The following UNC79 variants were observed in gnomAD, a reference collection of about 807,000 sequenced individuals.
The protein encoded by UNC79 is protein unc-79 homolog.
A neutral mutation model predicts 283.1 loss-of-function variants in UNC79; 37 were observed. The ratio of observed to expected loss-of-function variants is 0.13; its 90% CI spans 0.10 to 0.17. The LOEUF (loss-of-function observed/expected upper bound fraction) is 0.17, where lower values mean the gene tolerates loss of function less well. Among genes scored for constraint, UNC79 ranks in the 10% least tolerant of loss-of-function variants. The pLI, the probability that UNC79 is intolerant of heterozygous loss-of-function variation, is 1.00. For synonymous variants in UNC79, 1,107 were observed against 1,200.2 expected (o/e 0.92, Z 1.61); for missense variants, 2,272 against 3,211.1 (o/e 0.71, Z 7.07).
chr14:93,641,093 G>C (rs2068989371), intron 32 of UNC79, 52 bp from the exon 36 acceptor site: 15 of 1,504,470 alleles, frequency 1.0e-5, no homozygotes, highest in Non-Finnish European at 9.1e-7. Flanking sequence ...GCCTTTCTTG[G>C]CCCCTTGAAG....
At chr14:93,395,868 C>T (rs1377429443) in intron 1 of UNC79, among the ~76,000 whole-genome samples, 1 of 151,922 alleles carries the variant, frequency 6.6e-6, no homozygotes, top group East Asian at 1.9e-4. Context: ...AATATCTAGG[C>T]ATGGATATCT....
At chr14:93,529,556 A>C (rs1042234680) in intron 10 of UNC79, among the ~76,000 whole-genome samples, 4 of 152,156 alleles carry the variant, frequency 2.6e-5, no homozygotes, top group Non-Finnish European at 5.9e-5. Flanking sequence ...TAGATATTGG[A>C]ATTAGGATTC....
intron 31 of UNC79, 88 bp from the exon 35 acceptor site, chr14:93,637,128 C>A: frequency 8.9e-6 from 7 of 784,538 alleles, no homozygotes; most frequent in South Asian, 8.4e-5. Flanking sequence ...AAAAAATTGG[C>A]CCCCAGAGAT....
chr14:93,586,611 C>A (rs1207918755), exon 21 of UNC79: 2 of 1,613,378 alleles, frequency 1.2e-6, no homozygotes, highest in Non-Finnish European at 1.7e-6. Context: ...AAGAATGATA[C>A]CGAAAGAAAA....
intron 1 of UNC79, among the ~76,000 whole-genome samples, chr14:93,344,648 T>G (rs906856448): frequency 6.6e-6 from 1 of 152,224 alleles, no homozygotes; most frequent in African/African-American, 2.4e-5. Context: ...TTGAGTCAAG[T>G]AGTGTAACAA....
chr14:93,659,369 T>G (rs1226108064), intron 39 of UNC79, 108 bp downstream of exon 42: 2 of 850,436 alleles, frequency 2.4e-6, no homozygotes, highest in East Asian at 5.4e-5. Flanking sequence ...TACTGAATGC[T>G]TCCCTTTCAG....
At chr14:93,558,676 C>T (rs116991486) in intron 14 of UNC79, among the ~76,000 whole-genome samples, 1,846 of 127,062 alleles carry the variant, frequency 0.015, 24 homozygotes, top group Middle Eastern at 0.043. Flanking sequence ...AGCGAGAGGC[C>T]GGGGCCCTGG....
At chr14:93,357,123 T>C (rs1310823127) in intron 1 of UNC79, among the ~76,000 whole-genome samples, 1 of 152,230 alleles carries the variant, frequency 6.6e-6, no homozygotes, top group African/African-American at 2.4e-5. Context: ...TTTCTGCTTC[T>C]GCATTAATTC....
At chr14:93,624,003 G>C (rs2067344137) in intron 30 of UNC79, among the ~76,000 whole-genome samples, 1 of 152,198 alleles carries the variant, frequency 6.6e-6, no homozygotes, top group South Asian at 2.1e-4. Flanking sequence ...ACTGGTGAAG[G>C]TCTTAAAGAC....
chr14:93,675,779 C>T (rs918812640), intron 41 of UNC79, among the ~76,000 whole-genome samples: 2 of 152,174 alleles, frequency 1.3e-5, no homozygotes, highest in African/African-American at 4.8e-5. Flanking sequence ...TTCTAGGACA[C>T]ATTGAACTCT....
intron 14 of UNC79, among the ~76,000 whole-genome samples, chr14:93,562,378 G>C (rs2062614069): frequency 6.6e-6 from 1 of 152,210 alleles, no homozygotes; most frequent in Admixed American, 6.5e-5. Flanking sequence ...CTGGAAGATA[G>C]TTGCCTAGAG....
At chr14:93,349,797 T>A (rs1340555277) in intron 1 of UNC79, among the ~76,000 whole-genome samples, 5 of 152,244 alleles carry the variant, frequency 3.3e-5, no homozygotes, top group African/African-American at 9.6e-5. Context: ...TGGCAAAATG[T>A]CCTTGTGGTT....
intron 14 of UNC79, among the ~76,000 whole-genome samples, chr14:93,563,073 A>G (rs1307971828): frequency 6.6e-6 from 1 of 152,208 alleles, no homozygotes; most frequent in Non-Finnish European, 1.5e-5. Flanking sequence ...AGGTTATGAA[A>G]TGATGACAGA....
At chr14:93,403,952 T>C (rs1462280061) in intron 1 of UNC79, among the ~76,000 whole-genome samples, 1 of 151,446 alleles carries the variant, frequency 6.6e-6, no homozygotes, top group East Asian at 1.9e-4. Context: ...GCAAAAAACA[T>C]TTGCAGATAC....
intron 31 of UNC79, among the ~76,000 whole-genome samples, chr14:93,635,457 C>CT (rs1320228322): frequency 1.3e-5 from 2 of 152,154 alleles, no homozygotes; most frequent in African/African-American, 4.8e-5. Flanking sequence ...GAATCGGACT[C>CT]TTTTAGTATC....
chr14:93,508,386 A>G lies in UNC79; in HGVS notation c.898+11100A>G, dbSNP rs533153076. Among the ~76,000 whole-genome samples, 12 of 152,230 alleles carry G rather than the reference A, an allele frequency of 7.9e-5. 1 individual carries two copies. Among genetic ancestry groups the G allele is most frequent in the Admixed American group, 4.6e-4 (7 of 15,286 alleles). ...AAAAACAGCAGCAGCAGTAGCAGCA[A>G]CAACAACAACAACAAAAAGAATTTC... On this transcript the variant is annotated intron_variant, in intron 7 of 48. Transcript: ENST00000555664.
chr14:93,689,048 C>A, intron 44 of UNC79: 1 of 510,808 alleles, frequency 2.0e-6, no homozygotes, highest in Non-Finnish European at 3.2e-6. Flanking sequence ...TAAACCTGTC[C>A]TCCCACAAAA....
intron 26 of UNC79, among the ~76,000 whole-genome samples, 157 bp downstream of exon 26, chr14:93,603,575 G>A (rs1461204938): frequency 4.6e-5 from 7 of 152,206 alleles, no homozygotes; most frequent in African/African-American, 1.4e-4. Flanking sequence ...CACTTCAGGG[G>A]TATAAATGCC....
chr14:93,371,515 G>A (rs1338505676), intron 1 of UNC79, among the ~76,000 whole-genome samples: 1 of 152,004 alleles, frequency 6.6e-6, no homozygotes, highest in African/African-American at 2.4e-5. Context: ...AAACCAGTGG[G>A]GAAAAAAACT....
Sources: allele counts gnomAD v4.1 joint callset (sites outside exome capture counted in the v4.1 genomes callset), GRCh38; gene constraint gnomAD v4.1.1; transcripts MANE v1.5; gene names NCBI Gene and HGNC (gene_info 2026-07-23, HGNC 2026-07-21).